Variants in HNRNPC observed in about 807,000 individuals in gnomAD.
HNRNPC encodes heterogeneous nuclear ribonucleoproteins C1/C2.
A neutral mutation model predicts 33.2 loss-of-function variants in HNRNPC; 3 were observed. The observed-to-expected ratio is 0.09, with a 90% CI of 0.04 to 0.23. The LOEUF is 0.23. Among genes scored for constraint, HNRNPC ranks in the 10% least tolerant of loss-of-function variants. The pLI is 1.00. For synonymous variants in HNRNPC, 121 were observed against 126.7 expected (o/e 0.96, Z 0.30); for missense variants, 143 against 366.7 (o/e 0.39, Z 4.98).
chr14:21,236,967 G>C (rs963312784), intron 2 of HNRNPC, among the ~76,000 whole-genome samples: 1 of 152,150 alleles, frequency 6.6e-6, no homozygotes, highest in African/African-American at 2.4e-5. Context: ...AAGCAACTTG[G>C]AGAATAATAG....
intron 2 of HNRNPC, among the ~76,000 whole-genome samples, chr14:21,250,252 CAA>C (rs112062390): frequency 2.3e-5 from 3 of 132,912 alleles, no homozygotes; most frequent in Admixed American, 7.6e-5. Flanking sequence ...GACTCCACTT[CAA>C]AAAAAAAAAA....
intron 5 of HNRNPC, among the ~76,000 whole-genome samples, chr14:21,222,669 G>C (rs1402126317): frequency 6.6e-6 from 1 of 151,966 alleles, no homozygotes; most frequent in African/African-American, 2.4e-5. Flanking sequence ...GAGGCAGGCA[G>C]ATCATGAGGT....
Position 21,220,831 on chromosome 14 carries a change from T to TAA in HNRNPC, c.366-7716_366-7715dup, listed in dbSNP as rs34492058. Among the ~76,000 whole-genome samples the TAA allele has an allele frequency of 3.8e-3, 565 of 147,750 alleles. 2 individuals carry two copies. The highest frequency in any genetic ancestry group is 0.01 in the Middle Eastern group (3 of 292). On this transcript the variant is annotated intron_variant, in intron 5 of 8. Transcript: ENST00000553300. Reference sequence around the variant, plus strand: ...TCTATCTGTTTTCAAGGTATTTATTTAAAAAAAAAAAAATCAGCTATTGGC... The same window carrying TAA: ...TCTATCTGTTTTCAAGGTATTTATTTAAAAAAAAAAAAAAATCAGCTATTGGC...
intron 3 of HNRNPC, 99 bp from the exon 4 acceptor site, chr14:21,231,171 C>G (rs1340184184): frequency 7.5e-6 from 9 of 1,200,750 alleles, no homozygotes; most frequent in Non-Finnish European, 1.1e-5. Flanking sequence ...GTTTCGCTTT[C>G]TCGCTCAGGC....
chr14:21,217,488 A>C (rs1892316911), intron 5 of HNRNPC, among the ~76,000 whole-genome samples: 1 of 152,238 alleles, frequency 6.6e-6, no homozygotes, highest in Non-Finnish European at 1.5e-5. Flanking sequence ...TAATTTTTAA[A>C]GAAAATATAA....
chr14:21,240,028 T>TAC (rs1895171298), intron 2 of HNRNPC, among the ~76,000 whole-genome samples: 1 of 152,230 alleles, frequency 6.6e-6, no homozygotes, highest in East Asian at 1.9e-4. Flanking sequence ...AGACCTGTTT[T>TAC]ACCTAGAAAA....
chr14:21,216,913 C>T (rs541307448), intron 5 of HNRNPC, among the ~76,000 whole-genome samples: 2 of 152,082 alleles, frequency 1.3e-5, no homozygotes, highest in African/African-American at 2.4e-5. Context: ...ACAATAAATC[C>T]GTTAAACTAG....
chr14:21,250,717 ACTGTAGT>A (rs1270609022), intron 2 of HNRNPC, among the ~76,000 whole-genome samples: 3 of 152,220 alleles, frequency 2.0e-5, no homozygotes, highest in Non-Finnish European at 4.4e-5. Flanking sequence ...ATGTGGCTAC[ACTGTAGT>A]CTTCAACATT....
Position 21,211,941 on chromosome 14 carries a change from T to C in HNRNPC, c.524-18A>G. The C allele has an allele frequency of 1.9e-6, 3 of 1,560,006 alleles. No homozygotes were observed. The highest frequency in any genetic ancestry group is 1.8e-6 in the Non-Finnish European group (2 of 1,132,232). ...TCCTTTCACTTTAATATAAACAAAA[T>C]ACTAGATTAAAATCAAATGTACCGA... On this transcript the variant is annotated intron_variant, in intron 6 of 8. Transcript: ENST00000553300.
At position 21,267,095 on chromosome 14, in the gene HNRNPC, CAAAA is replaced by C. The variant is rs56203257; in HGVS notation, c.-63+2199_-63+2202del. Among the ~76,000 whole-genome samples the C allele has an allele frequency of 1.8e-3, 183 of 104,026 alleles. 1 individual carries two copies. The highest frequency in any genetic ancestry group is 5.7e-3 in the African/African-American group (159 of 27,944). The allele number at this position is 104,026 out of a possible 152,430, so 68.2% of individuals were successfully genotyped here. The stretch of plus-strand genomic sequence containing the variant: ...AGGGCGACAGAGCGAGACTCCGTCT[CAAAA>C]AAAAAAAAAAAAAAAAAAAAAAAAA... On this transcript the variant is annotated intron_variant, in intron 1 of 8. Transcript: ENST00000553300.
rs557177552 is a variant in HNRNPC, at chr14:21,227,932, A to AATAC, written c.365+2383_365+2386dup. Among the ~76,000 whole-genome samples the AATAC allele has an allele frequency of 3.9e-5, 6 of 152,366 alleles. No homozygotes were observed. In the South Asian group the frequency reaches 1.2e-3, roughly 32 times the overall value. On this transcript the variant is annotated intron_variant, in intron 5 of 8. Coordinates refer to ENST00000553300, the MANE Select transcript of HNRNPC (RefSeq NM_004500.4). ...AGCCATGACAAAGAAATAGGATAAT[A>AATAC]ATACACAGAAACACAACCACGTCCT...
intron 1 of HNRNPC, among the ~76,000 whole-genome samples, chr14:21,266,930 A>G (rs981679618): frequency 6.6e-6 from 1 of 151,860 alleles, no homozygotes; most frequent in Non-Finnish European, 1.5e-5. Context: ...GTCTCTACTA[A>G]AAATATAAAA....
intron 2 of HNRNPC, among the ~76,000 whole-genome samples, chr14:21,256,788 G>A (rs994942672): frequency 2.6e-5 from 4 of 151,968 alleles, no homozygotes; most frequent in African/African-American, 9.7e-5. Flanking sequence ...AAGTAGCTGG[G>A]ACTACAGACA....
rs1002348405 is a variant in HNRNPC, at chr14:21,231,217, C to A, written c.242-145G>T. 3 of 760,620 alleles carry A rather than the reference C, an allele frequency of 3.9e-6. No homozygotes were observed. In the East Asian group the frequency reaches 8.2e-5, roughly 21 times the overall value. 47.1% of individuals were successfully genotyped at this position (760,620 alleles called of 1,614,324 possible). A position where few individuals can be genotyped will look rare whatever the true frequency, so the allele number is the denominator to read the frequency against. On this transcript the variant is annotated intron_variant, in intron 3 of 8. Transcript: ENST00000553300. ...TGGTGTCACCTTGGCTCACTGAAAC[C>A]TCTACCTCCCGGTTCAAGCGATTCT... is the stretch of plus-strand genomic sequence containing the variant.
chr14:21,257,079 T>A (rs2138983661), intron 2 of HNRNPC, among the ~76,000 whole-genome samples: 1 of 152,346 alleles, frequency 6.6e-6, no homozygotes, highest in Non-Finnish European at 1.5e-5. Flanking sequence ...CACAAGAGAC[T>A]GGTTTGAGGC....
At chr14:21,213,437 G>T in intron 5 of HNRNPC, 1 of 229,396 alleles carries the variant, frequency 4.4e-6, no homozygotes, top group Non-Finnish European at 8.6e-6. Context: ...GTATTAACAG[G>T]GCATTTATTA....
At chr14:21,267,898 CAAT>C (rs995377048) in intron 1 of HNRNPC, among the ~76,000 whole-genome samples, 2 of 152,194 alleles carry the variant, frequency 1.3e-5, no homozygotes, top group East Asian at 1.9e-4. Context: ...CAGTTCAGCA[CAAT>C]GATAAACTTT....
At chr14:21,233,798 TTATAAC>T (rs1555354701) in intron 3 of HNRNPC, among the ~76,000 whole-genome samples, 149 bp downstream of exon 3, 1 of 152,146 alleles carries the variant, frequency 6.6e-6, no homozygotes, top group Non-Finnish European at 1.5e-5. Context: ...ACTTAGCCAA[TTATAAC>T]TATAAGCCTA....
chr14:21,229,085 TAAAAAAAAAA>T (rs56112804), intron 5 of HNRNPC, among the ~76,000 whole-genome samples: 2 of 107,848 alleles, frequency 1.9e-5, no homozygotes, highest in Non-Finnish European at 1.9e-5. Context: ...ATTCCGTATT[TAAAAAAAAAA>T]AAAAAAAAAA....
Sources: gnomAD v4.1 joint callset for allele counts (sites outside exome capture counted in the v4.1 genomes callset) on GRCh38, gnomAD v4.1.1 for gene constraint, MANE v1.5 for transcripts, NCBI Gene and HGNC (gene_info 2026-07-23, HGNC 2026-07-21) for gene names.